The following TMIGD3 variants were observed in gnomAD, a reference collection of about 807,000 sequenced individuals.
TMIGD3 encodes transmembrane and immunoglobulin domain containing 3, also known as AD026 protein (AD026).
TMIGD3 carries 21 observed loss-of-function variants against 28.1 expected under a neutral mutation model. The observed-to-expected ratio is 0.75, with a 90% confidence interval of 0.53 to 1.08. The LOEUF is 1.08. TMIGD3 is among the 50% of genes least tolerant of loss of function. The pLI is 0.00. For synonymous variants in TMIGD3, 151 were observed against 162.1 expected, an observed-to-expected ratio of 0.93 and a Z score of 0.52; for missense variants, 416 against 435.6, an observed-to-expected ratio of 0.96 and a Z score of 0.40.
intron 1 of TMIGD3, among the ~76,000 whole-genome samples, chr1:111,510,661 C>G (rs540775050): frequency 6.6e-6 from 1 of 152,192 alleles, no homozygotes; most frequent in Admixed American, 6.5e-5. Flanking sequence ...ATAATTCTGT[C>G]AGGCCCTGTT....
chr1:111,534,857 A>G (rs915477127), intron 1 of TMIGD3, among the ~76,000 whole-genome samples: 2 of 152,164 alleles, frequency 1.3e-5, no homozygotes, highest in African/African-American at 4.8e-5. Context: ...CTCTCCCATC[A>G]CTTTCTACTT....
intron 1 of TMIGD3, among the ~76,000 whole-genome samples, chr1:111,532,332 C>T (rs1182478049): frequency 6.6e-6 from 1 of 152,208 alleles, no homozygotes; most frequent in Non-Finnish European, 1.5e-5. Flanking sequence ...AAGATGGAAC[C>T]TCTTTATATT....
chr1:111,500,547 C>G (rs755429682), intron 1 of TMIGD3: 1 of 1,613,536 alleles, frequency 6.2e-7, no homozygotes. Flanking sequence ...GAGTGGTGAC[C>G]CTCTTGTATC....
At chr1:111,516,754 A>G (rs907089508) in intron 1 of TMIGD3, among the ~76,000 whole-genome samples, 18 of 152,198 alleles carry the variant, frequency 1.2e-4, no homozygotes, top group African/African-American at 4.3e-4. Context: ...TCCCAGGTTG[A>G]GCAGTGTGTG....
At chr1:111,538,504 A>G (rs1178780209) in intron 1 of TMIGD3, among the ~76,000 whole-genome samples, 1 of 152,124 alleles carries the variant, frequency 6.6e-6, no homozygotes, top group African/African-American at 2.4e-5. Flanking sequence ...CCTACTCCCC[A>G]CATCTGGCCC....
chr1:111,551,166 G>T (rs998578421), intron 1 of TMIGD3, among the ~76,000 whole-genome samples: 18 of 151,914 alleles, frequency 1.2e-4, no homozygotes, highest in Admixed American at 8.5e-4. Context: ...GCATATAGTT[G>T]GATCATGTTT....
intron 1 of TMIGD3, among the ~76,000 whole-genome samples, chr1:111,518,940 TTTG>T (rs1655958052): frequency 6.6e-6 from 1 of 152,086 alleles, no homozygotes; most frequent in Non-Finnish European, 1.5e-5. Context: ...TGTTTGTTTG[TTTG>T]TTTTTTGTTT....
chr1:111,526,315 G>T (rs12094165), intron 1 of TMIGD3, among the ~76,000 whole-genome samples: 1 of 152,052 alleles, frequency 6.6e-6, no homozygotes, highest in African/African-American at 2.4e-5. Flanking sequence ...TCATGGGGGC[G>T]GTTTCCCCAT....
intron 3 of TMIGD3, among the ~76,000 whole-genome samples, chr1:111,487,250 A>C (rs545741276): frequency 5.3e-5 from 8 of 152,328 alleles, no homozygotes; most frequent in African/African-American, 9.6e-5. Context: ...GTCAAGTTGC[A>C]CAGTTAAGTA....
intron 1 of TMIGD3, among the ~76,000 whole-genome samples, chr1:111,518,700 C>T (rs1049764572): frequency 6.6e-6 from 1 of 152,226 alleles, no homozygotes; most frequent in African/African-American, 2.4e-5. Context: ...ATCATGCTCT[C>T]TCCTAGTTCC....
chr1:111,519,074 G>A (rs1246450108), intron 1 of TMIGD3, among the ~76,000 whole-genome samples: 1 of 152,136 alleles, frequency 6.6e-6, no homozygotes, highest in Admixed American at 6.6e-5. Flanking sequence ...AAGTAGCTTG[G>A]ATTACAGGTG....
chr1:111,541,806 C>A (rs1428788445), intron 1 of TMIGD3, among the ~76,000 whole-genome samples: 1 of 152,106 alleles, frequency 6.6e-6, no homozygotes, highest in Non-Finnish European at 1.5e-5. Context: ...AAGTTGAAGA[C>A]CCCAGAAGAG....
intron 1 of TMIGD3, among the ~76,000 whole-genome samples, chr1:111,509,333 A>T (rs2100992649): frequency 6.6e-6 from 1 of 152,240 alleles, no homozygotes; most frequent in South Asian, 2.1e-4. Context: ...AGAGCTTCCA[A>T]GATTTCTCCA....
At chr1:111,497,037 C>T (rs187361948) in intron 1 of TMIGD3, among the ~76,000 whole-genome samples, 20 of 152,172 alleles carry the variant, frequency 1.3e-4, no homozygotes, top group Admixed American at 4.6e-4. Flanking sequence ...AATAAAAGCC[C>T]GCAGTTATTC....
chr1:111,530,704 A>C (rs1656430404), intron 1 of TMIGD3, among the ~76,000 whole-genome samples: 1 of 151,866 alleles, frequency 6.6e-6, no homozygotes, highest in African/African-American at 2.4e-5. Context: ...TTGTTCCTCT[A>C]TATGTAATGT....
intron 1 of TMIGD3, among the ~76,000 whole-genome samples, chr1:111,495,187 T>C (rs971865968): frequency 3.3e-5 from 5 of 151,236 alleles, no homozygotes; most frequent in Non-Finnish European, 7.4e-5. Context: ...CAGCAAAAGA[T>C]ATTATGGGAA....
chr1:111,512,315 G>A (rs1655714907), intron 1 of TMIGD3, among the ~76,000 whole-genome samples: 1 of 152,246 alleles, frequency 6.6e-6, no homozygotes, highest in South Asian at 2.1e-4. Flanking sequence ...CGTCCAGCAT[G>A]GCACGCACTC....
chr1:111,494,689 G>A (rs950448189), intron 1 of TMIGD3, among the ~76,000 whole-genome samples: 1 of 152,044 alleles, frequency 6.6e-6, no homozygotes, highest in African/African-American at 2.4e-5. Context: ...AATAGCTAAG[G>A]CAATCCTAAG....
chr1:111,529,196 A>G (rs1049512919), intron 1 of TMIGD3, among the ~76,000 whole-genome samples: 2 of 151,732 alleles, frequency 1.3e-5, no homozygotes, highest in African/African-American at 2.4e-5. Flanking sequence ...TATTGTCTCT[A>G]TCATAGAACA....
Sources: gnomAD v4.1 joint callset for allele counts (sites outside exome capture counted in the v4.1 genomes callset) on GRCh38, gnomAD v4.1.1 for gene constraint, MANE v1.5 for transcripts, NCBI Gene and HGNC (gene_info 2026-07-23, HGNC 2026-07-21) for gene names.